ROBO1: variants seen among roughly 807,000 people sequenced by gnomAD.
The protein encoded by ROBO1 is roundabout guidance receptor 1.
ROBO1 carries 149 observed loss-of-function variants against 195.9 expected under a neutral mutation model. The observed-to-expected ratio is 0.76, with a 90% CI of 0.67 to 0.87. The LOEUF (loss-of-function observed/expected upper bound fraction) is 0.87, where lower values mean the gene tolerates loss of function less well. Among genes scored for constraint, ROBO1 ranks in the 40% least tolerant of loss-of-function variants. ROBO1 has a pLI of 0.00. For missense variants in ROBO1, 1,933 were observed against 2,068.3 expected, an observed-to-expected ratio of 0.93 and a Z score of 1.27; for synonymous variants, 816 against 733.2, an observed-to-expected ratio of 1.11 and a Z score of -1.82.
At chr3:79,037,829 C>T (rs1256263158) in intron 3 of ROBO1, among the ~76,000 whole-genome samples, 2 of 152,200 alleles carry the variant, frequency 1.3e-5, no homozygotes, top group Admixed American at 6.5e-5. Context: ...TTATTACGAA[C>T]GGGAACTAAA....
chr3:79,530,805 A>C (rs1486807320), intron 2 of ROBO1, among the ~76,000 whole-genome samples: 6 of 115,354 alleles, frequency 5.2e-5, no homozygotes, highest in African/African-American at 2.1e-4. Flanking sequence ...ACACACACAC[A>C]TCCTTCCCTG....
chr3:78,641,948 G>A (rs568353786), intron 21 of ROBO1, among the ~76,000 whole-genome samples: 23 of 152,138 alleles, frequency 1.5e-4, no homozygotes, highest in Non-Finnish European at 3.1e-4. Flanking sequence ...AAGGCAGAAG[G>A]TGAGCCATGA....
intron 2 of ROBO1, among the ~76,000 whole-genome samples, chr3:79,143,516 GT>G (rs200742267): frequency 0.01 from 1,535 of 152,096 alleles, 25 homozygotes; most frequent in African/African-American, 0.033. Flanking sequence ...TAAAGATATT[GT>G]TGTCAAACTT....
intron 2 of ROBO1, among the ~76,000 whole-genome samples, chr3:79,401,653 C>T (rs1467806184): frequency 1.3e-5 from 2 of 151,832 alleles, no homozygotes; most frequent in Admixed American, 6.6e-5. Flanking sequence ...TTTGTAAACG[C>T]AATGCAGAAC....
chr3:78,731,360 G>A (rs1187511664), intron 5 of ROBO1, among the ~76,000 whole-genome samples: 1 of 152,066 alleles, frequency 6.6e-6, no homozygotes, highest in African/African-American at 2.4e-5. Context: ...CCGATCTTAA[G>A]AGTTCCAGCA....
intron 3 of ROBO1, among the ~76,000 whole-genome samples, chr3:79,062,284 A>C (rs1232000831): frequency 6.6e-6 from 1 of 152,210 alleles, no homozygotes; most frequent in Non-Finnish European, 1.5e-5. Flanking sequence ...AATGCAAATC[A>C]AAACCAAAAT....
intron 2 of ROBO1, among the ~76,000 whole-genome samples, chr3:79,203,688 A>G (rs1394303123): frequency 6.6e-6 from 1 of 152,186 alleles, no homozygotes; most frequent in Non-Finnish European, 1.5e-5. Flanking sequence ...CAATTTGAAA[A>G]TCAGTGAAAC....
chr3:79,436,484 A>T (rs1049660987), intron 2 of ROBO1, among the ~76,000 whole-genome samples: 1 of 152,048 alleles, frequency 6.6e-6, no homozygotes, highest in East Asian at 1.9e-4. Flanking sequence ...CAAAGTGCTT[A>T]TATTTAATAT....
intron 2 of ROBO1, among the ~76,000 whole-genome samples, chr3:79,199,041 C>T (rs1484916236): frequency 6.6e-6 from 1 of 151,840 alleles, no homozygotes; most frequent in Non-Finnish European, 1.5e-5. Context: ...GCCTGATTGC[C>T]CTGGCCAGAG....
At chr3:79,068,956 G>A (rs1014979673) in intron 3 of ROBO1, among the ~76,000 whole-genome samples, 10 of 151,078 alleles carry the variant, frequency 6.6e-5, no homozygotes, top group Admixed American at 1.3e-4. Flanking sequence ...CTAAATTTTT[G>A]TTCTCTCCAT....
chr3:78,680,498 C>T (rs1319833028), intron 10 of ROBO1, among the ~76,000 whole-genome samples: 1 of 151,964 alleles, frequency 6.6e-6, no homozygotes, highest in Non-Finnish European at 1.5e-5. Context: ...AAAAAACAAA[C>T]AACCCCATCA....
intron 4 of ROBO1, among the ~76,000 whole-genome samples, chr3:78,774,357 C>T (rs1262520777): frequency 6.6e-6 from 1 of 151,676 alleles, no homozygotes; most frequent in African/African-American, 2.4e-5. Context: ...ATCGCCCAGG[C>T]TTGAGGGCAG....
At chr3:79,250,676 C>G (rs1053861183) in intron 2 of ROBO1, among the ~76,000 whole-genome samples, 2 of 151,714 alleles carry the variant, frequency 1.3e-5, no homozygotes, top group African/African-American at 2.4e-5. Context: ...GATAAAATAA[C>G]CAGAATAATA....
chr3:79,764,169 C>A (rs900549637), intron 1 of ROBO1, among the ~76,000 whole-genome samples: 2 of 152,160 alleles, frequency 1.3e-5, no homozygotes, highest in Non-Finnish European at 1.5e-5. Context: ...ATTGCAGGTA[C>A]GGTGACTAAC....
intron 4 of ROBO1, among the ~76,000 whole-genome samples, chr3:78,918,734 G>A (rs143364758): frequency 6.6e-6 from 1 of 151,964 alleles, no homozygotes; most frequent in Non-Finnish European, 1.5e-5. Flanking sequence ...TGCCTTCTAA[G>A]GTACCCAGGA....
At chr3:79,160,295 A>G (rs1416144657) in intron 2 of ROBO1, among the ~76,000 whole-genome samples, 3 of 151,478 alleles carry the variant, frequency 2.0e-5, no homozygotes, top group East Asian at 1.9e-4. Flanking sequence ...TTTTTTTTCA[A>G]TAAGGTCTGT....
chr3:79,317,944 T>C (rs1299785971), intron 2 of ROBO1, among the ~76,000 whole-genome samples: 2 of 152,206 alleles, frequency 1.3e-5, no homozygotes. Context: ...ATATTTATTA[T>C]AAGAAATTGG....
chr3:78,913,980 T>C lies in ROBO1; in HGVS notation c.499+24621A>G, dbSNP rs576063076. ...ACAATTCATTCATTGAGCACTAAGA[T>C]TCAGTAATCAAAGTATGAGGACAAG... is the stretch of plus-strand genomic sequence containing the variant. On this transcript the variant is annotated intron_variant, in intron 4 of 30. Coordinates refer to ENST00000464233, the MANE Select transcript of ROBO1 (RefSeq NM_002941.4). 3.9e-5 allele frequency among the ~76,000 whole-genome samples: 6 copies of C among 152,182 alleles called. No homozygotes were observed. The East Asian group carries it at 1.2e-3, about 29-fold the overall frequency.
chr3:78,704,767 A>AGGT (rs2081510357), intron 8 of ROBO1, among the ~76,000 whole-genome samples: 1 of 151,822 alleles, frequency 6.6e-6, no homozygotes, highest in Admixed American at 6.6e-5. Context: ...GCTTCAGCCC[A>AGGT]GGTGGTCAAT....
Sources: allele counts gnomAD v4.1 joint callset (sites outside exome capture counted in the v4.1 genomes callset), GRCh38; gene constraint gnomAD v4.1.1; transcripts MANE v1.5; gene names NCBI Gene and HGNC (gene_info 2026-07-23, HGNC 2026-07-21).